The following COL24A1 variants were observed in gnomAD, a reference collection of about 807,000 sequenced individuals.
The protein encoded by COL24A1 is collagen alpha-1(XXIV) chain.
COL24A1 carries 224 observed loss-of-function variants against 253.9 expected under a neutral mutation model. The observed-to-expected ratio is 0.88, with a 90% CI of 0.79 to 0.99. The LOEUF is 0.99. Among genes scored for constraint, COL24A1 ranks in the 50% least tolerant of loss-of-function variants. The pLI, the probability that COL24A1 is intolerant of heterozygous loss-of-function variation, is 0.00. For synonymous variants in COL24A1, 685 were observed against 673.7 expected, an observed-to-expected ratio of 1.02 and a Z score of -0.26; for missense variants, 2,131 against 2,068.5, an observed-to-expected ratio of 1.03 and a Z score of -0.59.
At chr1:85,841,458 A>C (rs151045179) in intron 41 of COL24A1, among the ~76,000 whole-genome samples, 180 bp from the exon 42 acceptor site, 1 of 152,188 alleles carries the variant, frequency 6.6e-6, no homozygotes, top group East Asian at 1.9e-4. Context: ...TAATTTGTAC[A>C]GGGTTCTTCT....
intron 51 of COL24A1, 31 bp from the exon 52 acceptor site, chr1:85,781,304 G>A: frequency 6.8e-7 from 1 of 1,460,506 alleles, no homozygotes; most frequent in Non-Finnish European, 9.3e-7. Flanking sequence ...CAGTCTCACT[G>A]TTAGTATAAT....
Position 85,875,319 on chromosome 1 carries a change from G to A in COL24A1, c.3042C>T (p.Gly1014=), listed in dbSNP as rs1324757317. 8 of 1,613,428 alleles carry A rather than the reference G, an allele frequency of 5.0e-6. No homozygotes were observed. Among genetic ancestry groups the A allele is most frequent in the Non-Finnish European group, 4.2e-6 (5 of 1,179,584 alleles). The stretch of plus-strand genomic sequence containing the variant: ...CTTGCAGACCAGACTCTCCCTCAGT[G>A]CCTGGAGGTCCCTACAAGAGAATAA... ...PGEMGMEGPP[G]TEGESGLQGE... is the part of the protein sequence containing the mutation. The change falls in exon 34 of 60, where the codon GGC becomes GGT. Residue 1014 remains glycine (G), a synonymous_variant. Transcript: ENST00000370571.
intron 17 of COL24A1, 56 bp from the exon 18 acceptor site, chr1:86,022,349 C>A: frequency 6.6e-7 from 1 of 1,504,028 alleles, no homozygotes; most frequent in African/African-American, 1.4e-5. Flanking sequence ...GGCAGACATA[C>A]CACTATTTAC....
chr1:85,835,421 C>T (rs1488029662), intron 43 of COL24A1, among the ~76,000 whole-genome samples: 1 of 152,104 alleles, frequency 6.6e-6, no homozygotes, highest in African/African-American at 2.4e-5. Context: ...TGAGCCACTG[C>T]ACCCGGCCCA....
At chr1:85,841,335 A>C (rs539356014) in intron 41 of COL24A1, 57 bp from the exon 42 acceptor site, 5 of 1,176,422 alleles carry the variant, frequency 4.3e-6, no homozygotes, top group Middle Eastern at 2.0e-4. Flanking sequence ...AACATCAAAA[A>C]CACACAACCT....
intron 37 of COL24A1, among the ~76,000 whole-genome samples, chr1:85,850,748 A>G (rs1032280486): frequency 1.3e-5 from 2 of 152,156 alleles, no homozygotes; most frequent in Admixed American, 1.3e-4. Context: ...GTTAAATAAA[A>G]GAGGTATAAA....
chr1:86,000,162 C>T (rs1222469245), intron 19 of COL24A1, among the ~76,000 whole-genome samples: 1 of 152,148 alleles, frequency 6.6e-6, no homozygotes, highest in African/African-American at 2.4e-5. Context: ...TCCATCATTT[C>T]TGTAAACCCT....
chr1:85,853,176 T>C (rs1677989628), intron 37 of COL24A1, among the ~76,000 whole-genome samples: 1 of 152,190 alleles, frequency 6.6e-6, no homozygotes, highest in Non-Finnish European at 1.5e-5. Context: ...TTTGTGTCCA[T>C]GTGTACTCAA....
chr1:86,098,731 CTT>C (rs2102028116), intron 5 of COL24A1, among the ~76,000 whole-genome samples: 1 of 152,210 alleles, frequency 6.6e-6, no homozygotes, highest in East Asian at 1.9e-4. Flanking sequence ...TAAGGTGACT[CTT>C]TTGGTAAAAA....
intron 5 of COL24A1, among the ~76,000 whole-genome samples, chr1:86,110,887 C>T (rs1215276116): frequency 2.0e-5 from 3 of 151,696 alleles, no homozygotes; most frequent in Non-Finnish European, 4.4e-5. Context: ...ACCTCCTTCT[C>T]CGTGGTGCCT....
At chr1:85,803,335 C>A (rs1290071853) in intron 47 of COL24A1, among the ~76,000 whole-genome samples, 1 of 150,522 alleles carries the variant, frequency 6.6e-6, no homozygotes, top group Admixed American at 6.6e-5. Flanking sequence ...GAAGCTGAGG[C>A]AGGAGAATCA....
intron 1 of COL24A1, 160 bp downstream of exon 1, chr1:86,156,181 C>G (rs1032534807): frequency 6.6e-6 from 4 of 607,422 alleles, no homozygotes; most frequent in Non-Finnish European, 1.2e-5. Flanking sequence ...ATTTTGCAAG[C>G]TGAGAAGACA....
chr1:85,893,788 T>C (rs144580633), intron 31 of COL24A1, among the ~76,000 whole-genome samples: 2 of 152,288 alleles, frequency 1.3e-5, no homozygotes, highest in East Asian at 3.9e-4. Context: ...CAACCATTTT[T>C]TAAAATTCAT....
chr1:86,139,984 C>A, intron 2 of COL24A1, among the ~76,000 whole-genome samples: 1 of 152,100 alleles, frequency 6.6e-6, no homozygotes, highest in East Asian at 1.9e-4. Flanking sequence ...AATTAAGGAA[C>A]TAAAGGAAAC....
At chr1:85,979,935 C>T (rs1049254975) in intron 20 of COL24A1, among the ~76,000 whole-genome samples, 2 of 152,136 alleles carry the variant, frequency 1.3e-5, no homozygotes, top group Admixed American at 6.5e-5. Context: ...CAAAAATCCT[C>T]AACAAAATAC....
intron 57 of COL24A1, among the ~76,000 whole-genome samples, chr1:85,743,577 C>T (rs918757222): frequency 6.6e-6 from 1 of 152,096 alleles, no homozygotes; most frequent in Non-Finnish European, 1.5e-5. Flanking sequence ...TTGAACACTG[C>T]ACAATCCACA....
At chr1:85,934,143 C>G (rs908481893) in intron 24 of COL24A1, among the ~76,000 whole-genome samples, 3 of 152,056 alleles carry the variant, frequency 2.0e-5, no homozygotes, top group Non-Finnish European at 4.4e-5. Flanking sequence ...GTTGGCTTCC[C>G]CCAGATTAAG....
rs78426121 is a variant in COL24A1, at chr1:85,817,788, G to A, written c.3843+246C>T. ...TCACCGTCAGAAGCATGAGTCCACC[G>A]GGAGGGCTTCATAACCAGGAAAATA... On this transcript the variant is annotated intron_variant, in intron 46 of 59. Coordinates refer to ENST00000370571, the MANE Select transcript of COL24A1 (RefSeq NM_152890.7). 7.0e-3 allele frequency among the ~76,000 whole-genome samples: 1,065 copies of A among 152,118 alleles called. 8 individuals carry two copies. Among genetic ancestry groups the A allele is most frequent in the African/African-American group, 0.023 (955 of 41,492 alleles).
intron 12 of COL24A1, among the ~76,000 whole-genome samples, chr1:86,046,235 A>G (rs1476894841): frequency 6.6e-6 from 1 of 152,172 alleles, no homozygotes; most frequent in East Asian, 1.9e-4. Flanking sequence ...TTCACAGACT[A>G]TACTAGCTTA....
Sources: gnomAD v4.1 joint callset for allele counts (sites outside exome capture counted in the v4.1 genomes callset) on GRCh38, gnomAD v4.1.1 for gene constraint, MANE v1.5 for transcripts, NCBI Gene and HGNC (gene_info 2026-07-23, HGNC 2026-07-21) for gene names.